DLGAP2: variants seen among roughly 807,000 people sequenced by gnomAD.
DLGAP2 encodes the protein disks large-associated protein 2.
A neutral mutation model predicts 100.3 loss-of-function variants in DLGAP2; 26 were observed. The observed-to-expected ratio is 0.26, with a 90% CI of 0.19 to 0.36. DLGAP2 has a LOEUF of 0.36. Among genes scored for constraint, DLGAP2 ranks in the 10% least tolerant of loss-of-function variants. The probability of loss-of-function intolerance (pLI) is 1.00; values close to 1 mark genes in which losing one functional copy is unlikely to be tolerated. For missense variants in DLGAP2, 1,858 were observed against 1,453.2 expected, an observed-to-expected ratio of 1.28 and a Z score of -4.53; for synonymous variants, 886 against 630.1, an observed-to-expected ratio of 1.41 and a Z score of -6.08.
At chr8:824,580 T>C (rs766404989) in intron 1 of DLGAP2, among the ~76,000 whole-genome samples, 3 of 151,986 alleles carry the variant, frequency 2.0e-5, no homozygotes, top group Non-Finnish European at 4.4e-5. Context: ...GTTCCCCTTG[T>C]CCTGGCCCCA....
chr8:1,413,555 T>C (rs1355532399), intron 3 of DLGAP2, among the ~76,000 whole-genome samples: 1 of 152,240 alleles, frequency 6.6e-6, no homozygotes, highest in African/African-American at 2.4e-5. Context: ...AAAAAATGTT[T>C]TGTCACAGAA....
chr8:1,085,696 C>T (rs896587735), intron 2 of DLGAP2, among the ~76,000 whole-genome samples: 5 of 152,128 alleles, frequency 3.3e-5, no homozygotes, highest in Non-Finnish European at 7.4e-5. Context: ...TGAAATCAGG[C>T]AATGTGATTC....
At chr8:1,522,771 C>A (rs759074691) in intron 4 of DLGAP2, among the ~76,000 whole-genome samples, 34 of 152,212 alleles carry the variant, frequency 2.2e-4, no homozygotes, top group Non-Finnish European at 4.3e-4. Context: ...CCAAGTGGTT[C>A]TAAATAAATG....
intron 1 of DLGAP2, among the ~76,000 whole-genome samples, chr8:906,692 A>G (rs1275187872): frequency 6.6e-6 from 1 of 152,280 alleles, no homozygotes; most frequent in Non-Finnish European, 1.5e-5. Context: ...GGTTATCACA[A>G]GGCTTAGCGC....
At chr8:903,739 G>A (rs1451366848) in intron 1 of DLGAP2, among the ~76,000 whole-genome samples, 1 of 152,212 alleles carries the variant, frequency 6.6e-6, no homozygotes, top group African/African-American at 2.4e-5. Context: ...CCCAAAAAGT[G>A]TGTGATGGAG....
chr8:832,091 T>G (rs998039542), intron 1 of DLGAP2, among the ~76,000 whole-genome samples: 5 of 152,210 alleles, frequency 3.3e-5, no homozygotes, highest in African/African-American at 1.2e-4. Flanking sequence ...TTGTTTAAGT[T>G]CCTTGTAAAT....
At chr8:1,343,236 C>G (rs909080176) in intron 3 of DLGAP2, among the ~76,000 whole-genome samples, 1 of 152,188 alleles carries the variant, frequency 6.6e-6, no homozygotes, top group Non-Finnish European at 1.5e-5. Context: ...AAGTCCGCCA[C>G]GGTGAGAGGT....
chr8:1,490,887 C>T (rs1429057733), intron 3 of DLGAP2, among the ~76,000 whole-genome samples: 3 of 139,284 alleles, frequency 2.2e-5, no homozygotes, highest in African/African-American at 7.9e-5. Flanking sequence ...GGTGGGGGGA[C>T]GGGGGAGGGA....
chr8:1,542,299 G>A (rs10113083), intron 4 of DLGAP2, among the ~76,000 whole-genome samples: 66,488 of 152,050 alleles, frequency 0.44, 14,678 homozygotes, highest in East Asian at 0.58. Context: ...TGTACAATTC[G>A]GTAGCATTCA....
At chr8:1,036,847 A>C (rs945982381) in intron 2 of DLGAP2, among the ~76,000 whole-genome samples, 4 of 152,144 alleles carry the variant, frequency 2.6e-5, no homozygotes, top group African/African-American at 9.7e-5. Context: ...AAATAATAAA[A>C]GGTGATGCCC....
intron 8 of DLGAP2, among the ~76,000 whole-genome samples, chr8:1,645,896 C>G (rs1291047864): frequency 6.6e-6 from 1 of 152,210 alleles, no homozygotes; most frequent in Non-Finnish European, 1.5e-5. Context: ...GAGTGGACGT[C>G]TTGCTCCCAA....
chr8:988,780 C>A (rs1226047646), intron 2 of DLGAP2, among the ~76,000 whole-genome samples: 1 of 152,108 alleles, frequency 6.6e-6, no homozygotes, highest in East Asian at 1.9e-4. Flanking sequence ...CCCCCGGGGA[C>A]CTGGTGAGTG....
intron 3 of DLGAP2, among the ~76,000 whole-genome samples, chr8:1,343,895 C>T (rs181604677): frequency 4.6e-5 from 7 of 152,294 alleles, no homozygotes; most frequent in Admixed American, 1.3e-4. Context: ...ACGCTTCTCA[C>T]GGGTGCGAGC....
intron 4 of DLGAP2, among the ~76,000 whole-genome samples, chr8:1,518,612 C>A (rs62487188): frequency 1.3e-5 from 2 of 152,034 alleles, no homozygotes; most frequent in Non-Finnish European, 2.9e-5. Flanking sequence ...GCCCAGACAC[C>A]CTTATGTTCC....
intron 2 of DLGAP2, among the ~76,000 whole-genome samples, chr8:1,167,673 G>A (rs878905243): frequency 4.6e-5 from 7 of 152,132 alleles, no homozygotes; most frequent in Admixed American, 2.6e-4. Flanking sequence ...TAGTAGGCAC[G>A]CAATGGAATA....
rs531051678 is a variant in DLGAP2 at position 1,561,925 on chromosome 8, C to T, written c.1231-3758C>T. 2.6e-3 allele frequency among the ~76,000 whole-genome samples: 143 copies of T among 55,946 alleles called. 24 individuals are homozygous for T. The highest frequency in any genetic ancestry group is 5.7e-3 in the South Asian group (5 of 878). The allele number at this position is 55,946 out of a possible 152,430, so 36.7% of individuals were successfully genotyped here. A position where few individuals can be genotyped will look rare whatever the true frequency, so the allele number is the denominator to read the frequency against. Reference sequence around the variant, plus strand: ...GGACTGTGTGGAGTTGGGGTGTCCGCGCCTCGTTGCTGCGGGACTGTGTGG... The same window carrying T: ...GGACTGTGTGGAGTTGGGGTGTCCGTGCCTCGTTGCTGCGGGACTGTGTGG... On this transcript the variant is annotated intron_variant, in intron 5 of 14. Coordinates refer to ENST00000637795, the MANE Select transcript of DLGAP2 (RefSeq NM_001346810.2).
Position 1,695,828 on chromosome 8 carries a change from C to T in DLGAP2, c.2797-1319C>T, listed in dbSNP as rs148479633. Among the ~76,000 whole-genome samples the T allele has an allele frequency of 4.9e-3, 754 of 152,374 alleles. 15 individuals are homozygous for T. In the East Asian group the frequency reaches 0.055, roughly 11 times the overall value. ...TCCCTCGACTGACTTCGGTGCAGAA[C>T]GTGGCCTCCTTGCCAGGCACTTTAG... On this transcript the variant is annotated intron_variant, in intron 13 of 14. Transcript: ENST00000637795.
At chr8:877,566 A>G (rs1797708039) in intron 1 of DLGAP2, among the ~76,000 whole-genome samples, 1 of 152,234 alleles carries the variant, frequency 6.6e-6, no homozygotes, top group African/African-American at 2.4e-5. Context: ...AAATCTAATC[A>G]AATTGTGGCT....
Position 1,375,238 on chromosome 8 carries a change from C to T in DLGAP2, c.106+116355C>T, listed in dbSNP as rs374571386. On this transcript the variant is annotated intron_variant, in intron 3 of 14. Transcript: ENST00000637795. ...ACCTCCTACATTTGGGTTAACGACACCTCTCCACGACCTCAGAACTGAGCC... is the reference window on the plus strand; with the variant it reads ...ACCTCCTACATTTGGGTTAACGACATCTCTCCACGACCTCAGAACTGAGCC... Among the ~76,000 whole-genome samples, 212 of 69,852 alleles carry T rather than the reference C, an allele frequency of 3.0e-3. 3 individuals carry two copies. The highest frequency in any genetic ancestry group is 0.011 in the Middle Eastern group (1 of 94). 45.8% of individuals were successfully genotyped at this position (69,852 alleles called of 152,430 possible). A position where few individuals can be genotyped will look rare whatever the true frequency, so the allele number is the denominator to read the frequency against.
Sources: gnomAD v4.1 joint callset for allele counts (sites outside exome capture counted in the v4.1 genomes callset) on GRCh38, gnomAD v4.1.1 for gene constraint, MANE v1.5 for transcripts, NCBI Gene and HGNC (gene_info 2026-07-23, HGNC 2026-07-21) for gene names.